Variants in SRBD1 observed in about 807,000 individuals in gnomAD.
SRBD1 encodes the protein S1 RNA-binding domain-containing protein 1.
In SRBD1, 88 loss-of-function variants were observed where a neutral mutation model predicts 115.3. The observed-to-expected ratio is 0.76, with a 90% CI of 0.64 to 0.91. The LOEUF is 0.91. Among genes scored for constraint, SRBD1 ranks in the 40% least tolerant of loss-of-function variants. The probability of loss-of-function intolerance (pLI) is 0.00; values close to 1 mark genes in which losing one functional copy is unlikely to be tolerated. For synonymous variants in SRBD1, 509 were observed against 407.7 expected, an observed-to-expected ratio of 1.25 and a Z score of -2.99; for missense variants, 1,385 against 1,177.4, an observed-to-expected ratio of 1.18 and a Z score of -2.58.
chr2:45,435,894 A>G (rs1668482606), intron 16 of SRBD1, among the ~76,000 whole-genome samples: 1 of 152,248 alleles, frequency 6.6e-6, no homozygotes, highest in Admixed American at 6.5e-5. Flanking sequence ...CGGAGGGAAT[A>G]CTTCCTAAAT....
chr2:45,571,240 T>C (rs971868867), intron 9 of SRBD1, among the ~76,000 whole-genome samples: 5 of 152,014 alleles, frequency 3.3e-5, no homozygotes, highest in African/African-American at 1.2e-4. Context: ...GAGTTTGGGT[T>C]TTTTTCTTTT....
chr2:45,556,137 T>C (rs1486928509), intron 10 of SRBD1, among the ~76,000 whole-genome samples: 2 of 152,206 alleles, frequency 1.3e-5, no homozygotes, highest in Non-Finnish European at 2.9e-5. Flanking sequence ...TAAATTTTAG[T>C]GGAAGTGCTT....
intron 14 of SRBD1, among the ~76,000 whole-genome samples, chr2:45,536,094 G>A (rs1203514888): frequency 1.3e-5 from 2 of 151,920 alleles, no homozygotes; most frequent in Admixed American, 1.3e-4. Flanking sequence ...TTTTCTGGTT[G>A]CAAAGCCCCT....
chr2:45,557,362 G>A (rs915749549), intron 10 of SRBD1, among the ~76,000 whole-genome samples: 2 of 152,154 alleles, frequency 1.3e-5, no homozygotes, highest in African/African-American at 4.8e-5. Flanking sequence ...GTCTCCTAAG[G>A]TGTTGCCCTT....
chr2:45,562,598 G>A, intron 10 of SRBD1, 55 bp downstream of exon 10: 4 of 1,329,440 alleles, frequency 3.0e-6, no homozygotes, highest in Non-Finnish European at 4.2e-6. Context: ...ATAGATATCG[G>A]TATCATATTT....
rs529179820 is a variant in SRBD1, at chr2:45,604,412, A to G, written c.80+950T>C. Reference sequence around the variant, plus strand: ...GGGGTGGAGGAAGGGGAGGGCTTAGAATTAAGCCTTGAGGGATTCCAACAT... The same window carrying G: ...GGGGTGGAGGAAGGGGAGGGCTTAGGATTAAGCCTTGAGGGATTCCAACAT... On this transcript the variant is annotated intron_variant, in intron 2 of 20. Coordinates refer to ENST00000263736, the MANE Select transcript of SRBD1 (RefSeq NM_018079.5). Among the ~76,000 whole-genome samples the G allele has an allele frequency of 2.2e-4, 33 of 152,150 alleles. No homozygotes were observed. In the East Asian group the frequency reaches 6.0e-3, roughly 28 times the overall value.
At chr2:45,544,012 A>T (rs1245701457) in intron 14 of SRBD1, among the ~76,000 whole-genome samples, 1 of 152,140 alleles carries the variant, frequency 6.6e-6, no homozygotes, top group Non-Finnish European at 1.5e-5. Flanking sequence ...ATATTCATAA[A>T]AGTGCAAAGA....
chr2:45,389,739 A>T, intron 20 of SRBD1, 140 bp from the exon 21 acceptor site: 1 of 817,680 alleles, frequency 1.2e-6, no homozygotes, highest in East Asian at 2.7e-5. Flanking sequence ...GGAGCTGCAG[A>T]CCAACGCTTG....
At chr2:45,479,317 A>G (rs1450420341) in intron 15 of SRBD1, among the ~76,000 whole-genome samples, 4 of 152,162 alleles carry the variant, frequency 2.6e-5, no homozygotes, top group Non-Finnish European at 5.9e-5. Flanking sequence ...AAGCTTATTC[A>G]AAAGACATGT....
At position 45,562,656 on chromosome 2, in the gene SRBD1, T is replaced by C. The variant is rs539467031; in HGVS notation, c.1406A>G (p.Asn469Ser). 6.9e-6 allele frequency: 11 copies of C among 1,602,972 alleles called. No homozygotes were observed. The Admixed American group carries it at 8.8e-5, about 13-fold the overall frequency. The change falls in exon 10 of 21, where the codon AAC (asparagine) becomes AGC (serine). Residue 469 changes from asparagine to serine, a missense_variant. Coordinates refer to ENST00000263736, the MANE Select transcript of SRBD1 (RefSeq NM_018079.5). ...CTGTAAATATCTGTAAACAGACCTG[T>C]TTTGGATGCACCACCTACAGAATTC... ...KDEFCRWCIQ[N>S]RWRPRSFARP...
chr2:45,560,137 T>C (rs1270004213), intron 10 of SRBD1, among the ~76,000 whole-genome samples: 1 of 152,020 alleles, frequency 6.6e-6, no homozygotes, highest in Admixed American at 6.6e-5. Context: ...TGACTGAAAA[T>C]TATATTACTA....
At chr2:45,539,879 CA>C (rs1470096851) in intron 14 of SRBD1, among the ~76,000 whole-genome samples, 1 of 151,990 alleles carries the variant, frequency 6.6e-6, no homozygotes, top group East Asian at 1.9e-4. Flanking sequence ...CAGCATATAG[CA>C]GAAATAAAAT....
intron 9 of SRBD1, among the ~76,000 whole-genome samples, chr2:45,569,036 G>T (rs773876794): frequency 6.6e-6 from 1 of 152,126 alleles, no homozygotes; most frequent in Non-Finnish European, 1.5e-5. Flanking sequence ...AAATGGGCAA[G>T]GGCCATGTTA....
chr2:45,573,765 G>C (rs1032637551), intron 8 of SRBD1, among the ~76,000 whole-genome samples: 7 of 152,210 alleles, frequency 4.6e-5, no homozygotes, highest in African/African-American at 1.4e-4. Flanking sequence ...TTATAATACT[G>C]AACCAAATTT....
At chr2:45,418,298 G>T in intron 18 of SRBD1, 67 bp downstream of exon 18, 1 of 1,558,094 alleles carries the variant, frequency 6.4e-7, no homozygotes, top group Admixed American at 1.9e-5. Flanking sequence ...ACTAATCAGT[G>T]GTAGGATAGG....
chr2:45,392,913 C>A, intron 20 of SRBD1, 32 bp downstream of exon 20: 1 of 1,558,010 alleles, frequency 6.4e-7, no homozygotes, highest in Admixed American at 1.8e-5. Flanking sequence ...TATGCAAATG[C>A]AAGGTGCTAT....
chr2:45,424,657 T>C (rs912369986), intron 16 of SRBD1, among the ~76,000 whole-genome samples: 2 of 152,306 alleles, frequency 1.3e-5, no homozygotes, highest in Non-Finnish European at 2.9e-5. Flanking sequence ...TTTAATTGTA[T>C]AAGACAGACA....
intron 2 of SRBD1, among the ~76,000 whole-genome samples, chr2:45,603,461 A>C (rs1000861450): frequency 3.9e-5 from 6 of 152,188 alleles, no homozygotes; most frequent in Non-Finnish European, 7.3e-5. Context: ...CTCGAGGCTT[A>C]GTCCTCAGCC....
intron 16 of SRBD1, among the ~76,000 whole-genome samples, chr2:45,425,186 TAGGGGCTCAA>T (rs150659425): frequency 0.018 from 2,730 of 152,298 alleles, 42 homozygotes; most frequent in Middle Eastern, 0.054. Context: ...TCACCTTATT[TAGGGGCTCAA>T]AGTCAAGCGG....
Sources: allele counts gnomAD v4.1 joint callset (sites outside exome capture counted in the v4.1 genomes callset), GRCh38; gene constraint gnomAD v4.1.1; transcripts MANE v1.5; gene names NCBI Gene and HGNC (gene_info 2026-07-23, HGNC 2026-07-21).